FBXO34: variants seen among roughly 807,000 people sequenced by gnomAD.
The protein encoded by FBXO34 is F-box protein 34, also known as F-box only protein 34.
Under a neutral mutation model 24.5 loss-of-function variants are expected in FBXO34, and 12 were observed. That is an observed-to-expected ratio of 0.49 (90% CI 0.31 to 0.79). The LOEUF (loss-of-function observed/expected upper bound fraction) is 0.79, where lower values mean the gene tolerates loss of function less well. FBXO34 is among the 30% of genes least tolerant of loss of function. The pLI is 0.04. For missense variants in FBXO34, 823 were observed against 857.7 expected (o/e 0.96, Z 0.51); for synonymous variants, 320 against 311.9 (o/e 1.03, Z -0.27).
chr14:55,351,454 C>T lies in FBXO34; in HGVS notation c.1064C>T (p.Ala355Val), dbSNP rs376884829. Residue 355 changes from alanine to valine, a missense_variant, in exon 2 of 2, where the codon GCT becomes GTT. Transcript: ENST00000313833. Reference sequence around the variant, plus strand: ...TCTGTGGATTGTGGCCCTTCAAGAGCTGATCGTTGTTCTCCTAAGGAGGAC... The same window carrying T: ...TCTGTGGATTGTGGCCCTTCAAGAGTTGATCGTTGTTCTCCTAAGGAGGAC... ...SVSVDCGPSRADRCSPKEDQA... is the reference protein window; with the variant it reads ...SVSVDCGPSRVDRCSPKEDQA... 35 of 1,614,058 alleles carry T rather than the reference C, an allele frequency of 2.2e-5. No individual in the cohort carries two copies. The highest frequency in any genetic ancestry group is 2.7e-5 in the Non-Finnish European group (32 of 1,180,036).
the FBXO34 span, chr14:55,440,481 G>A: frequency 3.1e-6 from 5 of 1,612,658 alleles, no homozygotes; most frequent in South Asian, 2.2e-5. Flanking sequence ...GGGTGGGGGC[G>A]GGTAAGAGGG....
At chr14:55,275,660 A>T (rs1417749311) in intron 1 of FBXO34, among the ~76,000 whole-genome samples, 1 of 151,524 alleles carries the variant, frequency 6.6e-6, no homozygotes, top group Non-Finnish European at 1.5e-5. Flanking sequence ...TAAAAAAAAA[A>T]AAAAATACAA....
chr14:55,345,359 A>T (rs1232987298), intron 1 of FBXO34, among the ~76,000 whole-genome samples: 1 of 151,726 alleles, frequency 6.6e-6, no homozygotes, highest in Non-Finnish European at 1.5e-5. Context: ...CTTAACTTAG[A>T]CTCTCTTTAT....
intron 1 of FBXO34, among the ~76,000 whole-genome samples, chr14:55,328,023 C>T (rs943372628): frequency 1.4e-5 from 2 of 138,582 alleles, no homozygotes; most frequent in Non-Finnish European, 3.0e-5. Flanking sequence ...CTCCTGGGTT[C>T]AAGCAGTTCT....
intron 1 of FBXO34, among the ~76,000 whole-genome samples, chr14:55,305,891 G>A (rs1165693784): frequency 2.0e-5 from 3 of 152,234 alleles, no homozygotes; most frequent in Admixed American, 6.5e-5. Context: ...TATCATTGTT[G>A]AGGCTGGTTT....
At position 55,324,436 on chromosome 14, in the gene FBXO34, A is replaced by G. The variant is rs371743555; in HGVS notation, c.-10-25945A>G. On this transcript the variant is annotated intron_variant, in intron 1 of 1. Transcript: ENST00000313833. ...TATTGGTTTGAGATCTTTTGGGTAT[A>G]TACCTAGCAGTGGAATTGCTGGGTC... Among the ~76,000 whole-genome samples the G allele has an allele frequency of 5.3e-5, 8 of 151,016 alleles. No individual in the cohort carries two copies. The East Asian group carries it at 1.4e-3, about 26-fold the overall frequency.
chr14:55,420,098 T>C, the FBXO34 span, among the ~76,000 whole-genome samples: 1 of 152,212 alleles, frequency 6.6e-6, no homozygotes, highest in Non-Finnish European at 1.5e-5. Context: ...TGAGACAGAC[T>C]CTTGCTCTGT....
At position 55,350,756 on chromosome 14, in the gene FBXO34, C is replaced by A. The variant is rs1209471571; in HGVS notation, c.366C>A (p.Phe122Leu). The A allele has an allele frequency of 6.2e-7, 1 of 1,608,564 alleles. No homozygotes were observed. Among genetic ancestry groups the A allele is most frequent in the Admixed American group, 1.7e-5 (1 of 58,598 alleles). Reference protein sequence around the residue: ...KPGNTKEKIAFFASHQCSNRI... With the variant: ...KPGNTKEKIALFASHQCSNRI... ...GAAATACCAAGGAAAAAATTGCATT[C>A]TTTGCATCCCACCAGTGTAGTAACA... Residue 122 changes from phenylalanine to leucine, a missense_variant, in exon 2 of 2, where the codon TTC (phenylalanine) becomes TTA (leucine). Phe to Leu is a conservative substitution (Grantham distance 22). Transcript: ENST00000313833.
At position 55,315,057 on chromosome 14, in the gene FBXO34, C is replaced by T. The variant is rs566742195; in HGVS notation, c.-10-35324C>T. 3.9e-5 allele frequency among the ~76,000 whole-genome samples: 6 copies of T among 152,204 alleles called. No homozygotes were observed. The South Asian group carries it at 1.2e-3, about 32-fold the overall frequency. On this transcript the variant is annotated intron_variant, in intron 1 of 1. Transcript: ENST00000313833. ...CTCATCCCCAGGAATGTTTTTGTCC[C>T]CCCATTTCCCTGGTATAGGTATTTA...
At chr14:55,339,063 T>C (rs919359042) in intron 1 of FBXO34, among the ~76,000 whole-genome samples, 32 of 152,314 alleles carry the variant, frequency 2.1e-4, no homozygotes, top group Admixed American at 1.7e-3. Context: ...GGGCAAGATA[T>C]ATCCAGTTGT....
chr14:55,428,971 T>C, the FBXO34 span: 2 of 1,614,022 alleles, frequency 1.2e-6, no homozygotes, highest in African/African-American at 1.3e-5. Context: ...GAGACTGCTC[T>C]TCACTGGGGA....
intron 1 of FBXO34, among the ~76,000 whole-genome samples, chr14:55,309,916 A>G (rs1022159231): frequency 6.6e-6 from 1 of 152,160 alleles, no homozygotes; most frequent in South Asian, 2.1e-4. Context: ...TTGAGTTACA[A>G]TGAGTTTTCT....
intron 1 of FBXO34, chr14:55,299,009 C>G: frequency 6.2e-7 from 1 of 1,608,784 alleles, no homozygotes; most frequent in South Asian, 1.1e-5. Flanking sequence ...TAATGCAGGA[C>G]ATTGCTGACC....
At position 55,351,297 on chromosome 14, in the gene FBXO34, T is replaced by C. The variant is rs947410869; in HGVS notation, c.907T>C (p.Ser303Pro). ...GGGCCAGCGTGAGCCTGGGAGCCTC[T>C]CAAGGAATAACAGCTTCCGTCGAAA... ...RQGQREPGSL[S>P]RNNSFRRNVG... The change falls in exon 2 of 2, where the codon TCA (serine) becomes CCA (proline). Residue 303 changes from serine to proline, a missense_variant. Ser to Pro is a moderately conservative substitution (Grantham distance 74). Transcript: ENST00000313833. 1 of 1,614,070 alleles carries C rather than the reference T, an allele frequency of 6.2e-7. No homozygotes were observed. The highest frequency in any genetic ancestry group is 1.3e-5 in the African/African-American group (1 of 74,918).
chr14:55,419,967 A>G, the FBXO34 span, among the ~76,000 whole-genome samples: 1 of 152,218 alleles, frequency 6.6e-6, no homozygotes, highest in Non-Finnish European at 1.5e-5. Flanking sequence ...ACTAGGCCAC[A>G]CATGAGCTTC....
the FBXO34 span, among the ~76,000 whole-genome samples, chr14:55,439,635 A>C: frequency 3.5e-5 from 3 of 84,742 alleles, no homozygotes; most frequent in African/African-American, 9.6e-5. Flanking sequence ...TCTCTACTAA[A>C]AAATACAAAA....
chr14:55,395,964 T>A, the FBXO34 span: 1 of 1,594,996 alleles, frequency 6.3e-7, no homozygotes, highest in Non-Finnish European at 8.5e-7. Flanking sequence ...TCCATTTTCC[T>A]TCCATAGCTT....
At position 55,351,111 on chromosome 14, in the gene FBXO34, C is replaced by A. The variant is rs1884349239; in HGVS notation, c.721C>A (p.Gln241Lys). 6.2e-7 allele frequency: 1 copy of A among 1,614,208 alleles called. No homozygotes were observed. The change falls in exon 2 of 2, where the codon CAA (glutamine) becomes AAA (lysine). Residue 241 changes from glutamine (Q) to lysine (K), a missense_variant. Physicochemically the swap from Gln to Lys is moderately conservative, Grantham distance 53 (BLOSUM62 1). Around this residue, in one of 2 missense-constraint regions of FBXO34, gnomAD observed 693 missense variants for 659.1 expected, o/e 1.05. Coordinates refer to ENST00000313833, the MANE Select transcript of FBXO34 (RefSeq NM_017943.4). Reference sequence around the variant, plus strand: ...ACCTGCAATTGTGAGGTTTTCTGGCCAATCCAGAGGTGTGCCTGCAGTGTC... The same window carrying A: ...ACCTGCAATTGTGAGGTTTTCTGGCAAATCCAGAGGTGTGCCTGCAGTGTC... ...NSPAIVRFSG[Q>K]SRGVPAVSES...
chr14:55,381,971 G>A, the FBXO34 span: 1 of 1,613,618 alleles, frequency 6.2e-7, no homozygotes, highest in Non-Finnish European at 8.5e-7. Context: ...CCAGGCCCCT[G>A]GGTTGTTTTC....
Sources: allele counts gnomAD v4.1 joint callset (sites outside exome capture counted in the v4.1 genomes callset), GRCh38; gene constraint gnomAD v4.1.1; regional missense constraint gnomAD v4.1.1; transcripts MANE v1.5; gene names NCBI Gene and HGNC (gene_info 2026-07-23, HGNC 2026-07-21).